Variants in ARHGEF33 observed in about 807,000 individuals in gnomAD.
The protein encoded by ARHGEF33 is Rho guanine nucleotide exchange factor 33.
Under a neutral mutation model 101.9 loss-of-function variants are expected in ARHGEF33, and 72 were observed. The observed-to-expected ratio is 0.71, with a 90% CI of 0.58 to 0.86. ARHGEF33 has a LOEUF of 0.86. Among genes scored for constraint, ARHGEF33 ranks in the 40% least tolerant of loss-of-function variants. ARHGEF33 has a pLI of 0.00. For missense variants in ARHGEF33, 1,169 were observed against 1,111.3 expected (o/e 1.05, Z -0.74); for synonymous variants, 499 against 442.5 (o/e 1.13, Z -1.60).
At chr2:38,940,959 GAGTC>G (rs1028864011) in intron 9 of ARHGEF33, among the ~76,000 whole-genome samples, 1 of 152,086 alleles carries the variant, frequency 6.6e-6, no homozygotes, top group African/African-American at 2.4e-5. Flanking sequence ...GGTCCAGGTG[GAGTC>G]AGTCAGCTTC....
intron 9 of ARHGEF33, among the ~76,000 whole-genome samples, chr2:38,940,873 A>C (rs1306255593): frequency 6.6e-6 from 1 of 152,154 alleles, no homozygotes; most frequent in Non-Finnish European, 1.5e-5. Context: ...TGCAGATGAA[A>C]TCACAGGGAT....
At chr2:38,908,786 T>C (rs6544180) in intron 2 of ARHGEF33, among the ~76,000 whole-genome samples, 93,966 of 152,076 alleles carry the variant, frequency 0.62, 30,985 homozygotes, top group East Asian at 0.82. Flanking sequence ...AGCCTGCTCT[T>C]TCTTGGTTTT....
Position 38,928,955 on chromosome 2 carries a change from C to A in ARHGEF33, c.124C>A (p.Gln42Lys). ...ELKTGFTEAM[Q>K]ELSRIQHGEY... ...CAAAACTGGTTTCACAGAAGCAATG[C>A]AAGAACTGTCAAGAATTCAACATGG... The change falls in exon 5 of 18, where the codon CAA (glutamine) becomes AAA (lysine). Residue 42 changes from glutamine (Q) to lysine (K), a missense_variant. Coordinates refer to ENST00000409978, the MANE Select transcript of ARHGEF33 (RefSeq NM_001145451.5). 6.4e-7 allele frequency: 1 copy of A among 1,551,236 alleles called. No homozygotes were observed. The highest frequency in any genetic ancestry group is 8.7e-7 in the Non-Finnish European group (1 of 1,146,672).
At chr2:38,943,177 C>T (rs1667357304) in intron 9 of ARHGEF33, among the ~76,000 whole-genome samples, 1 of 152,206 alleles carries the variant, frequency 6.6e-6, no homozygotes, top group South Asian at 2.1e-4. Flanking sequence ...ATCTACCCGC[C>T]TTGGCCTCCC....
chr2:38,918,913 G>A (rs1666695216), intron 2 of ARHGEF33, among the ~76,000 whole-genome samples: 1 of 151,794 alleles, frequency 6.6e-6, no homozygotes. Flanking sequence ...AGGTATGATG[G>A]CATAAGCCTG....
rs979542696 is a variant in ARHGEF33 at position 38,903,475 on chromosome 2, A to T, written c.-86+7626A>T. On this transcript the variant is annotated intron_variant, in intron 2 of 17. Transcript: ENST00000409978. ...TGGCTCATTCAAAGCCCATCACATA[A>T]TTTGTTTTGGAGACAGGAGCATCCA... Among the ~76,000 whole-genome samples the T allele has an allele frequency of 9.2e-5, 14 of 152,020 alleles. No homozygotes were observed. In the East Asian group the frequency reaches 1.2e-3, roughly 13 times the overall value.
intron 2 of ARHGEF33, among the ~76,000 whole-genome samples, chr2:38,908,190 C>G (rs1055207271): frequency 2.0e-5 from 3 of 152,076 alleles, no homozygotes; most frequent in Non-Finnish European, 4.4e-5. Flanking sequence ...AACTTCCACT[C>G]AGATGAATCC....
Position 38,960,403 on chromosome 2 carries a change from G to C in ARHGEF33, c.2098G>C (p.Gly700Arg). 6.6e-7 allele frequency: 1 copy of C among 1,512,686 alleles called. No individual in the cohort carries two copies. Among genetic ancestry groups the C allele is most frequent in the South Asian group, 1.2e-5 (1 of 80,378 alleles). The allele number at this position is 1,512,686 out of a possible 1,614,324, so 93.7% of individuals were successfully genotyped here. A position where few individuals can be genotyped will look rare whatever the true frequency, so the allele number is the denominator to read the frequency against. ...YKLEAAAQAH[G>R]KAKPLSRSLK... ...ACTGGAGGCGGCGGCGCAGGCGCAC[G>C]GCAAGGCCAAGCCGCTGAGCCGCTC... is the stretch of plus-strand genomic sequence containing the variant. The change falls in exon 16 of 18, where the codon GGC becomes CGC. Residue 700 changes from glycine to arginine, a missense_variant. Coordinates refer to ENST00000409978, the MANE Select transcript of ARHGEF33 (RefSeq NM_001145451.5).
intron 9 of ARHGEF33, among the ~76,000 whole-genome samples, chr2:38,943,521 A>C (rs1202551676): frequency 7.7e-6 from 1 of 129,628 alleles, no homozygotes; most frequent in Non-Finnish European, 1.6e-5. Flanking sequence ...CATGGGGAGG[A>C]AGTGAGGAAG....
At chr2:38,894,349 G>A (rs1057222586) in intron 1 of ARHGEF33, among the ~76,000 whole-genome samples, 5 of 150,824 alleles carry the variant, frequency 3.3e-5, no homozygotes, top group African/African-American at 1.2e-4. Context: ...AAAAAATGTT[G>A]CTTTTGGGCT....
chr2:38,959,600 C>T, intron 15 of ARHGEF33: 2 of 452,156 alleles, frequency 4.4e-6, no homozygotes, highest in Non-Finnish European at 7.8e-6. Context: ...CAGTCCCTGG[C>T]CCGCAGGCCA....
At chr2:38,929,273 A>G (rs1201289429) in intron 5 of ARHGEF33, among the ~76,000 whole-genome samples, 1 of 152,106 alleles carries the variant, frequency 6.6e-6, no homozygotes, top group East Asian at 1.9e-4. Context: ...TACTAAAAAT[A>G]TAAAAATTAG....
rs755281738 is a variant in ARHGEF33, at chr2:38,935,736, T to A, written c.506-39T>A. The A allele has an allele frequency of 2.0e-6, 3 of 1,532,306 alleles. No homozygotes were observed. The African/African-American group carries it at 4.1e-5, about 21-fold the overall frequency. The allele number at this position is 1,532,306 out of a possible 1,614,324, so 94.9% of individuals were successfully genotyped here. On this transcript the variant is annotated intron_variant, in intron 7 of 17. Coordinates refer to ENST00000409978, the MANE Select transcript of ARHGEF33 (RefSeq NM_001145451.5). The stretch of plus-strand genomic sequence containing the variant: ...GTGGAAGGTGCTTAGTCCATGTTAG[T>A]GGAATGAACGCTGAATGAATGCTTT...
intron 2 of ARHGEF33, among the ~76,000 whole-genome samples, chr2:38,898,562 C>T (rs1666170476): frequency 6.6e-6 from 1 of 152,162 alleles, no homozygotes; most frequent in South Asian, 2.1e-4. Context: ...CTATATTAAG[C>T]ACGTATTGCT....
intron 15 of ARHGEF33, among the ~76,000 whole-genome samples, chr2:38,958,894 G>A (rs913620051): frequency 2.0e-5 from 3 of 152,130 alleles, no homozygotes; most frequent in African/African-American, 7.2e-5. Context: ...TGGCCAGGCT[G>A]CCACCATGCC....
intron 17 of ARHGEF33, among the ~76,000 whole-genome samples, chr2:38,970,228 A>G (rs1668135963): frequency 1.3e-5 from 2 of 151,932 alleles, no homozygotes; most frequent in Admixed American, 6.6e-5. Context: ...ATCACTGTCT[A>G]TTTTCTTAAT....
At chr2:38,970,509 G>GA (rs1164166120) in intron 17 of ARHGEF33, among the ~76,000 whole-genome samples, 1 of 152,014 alleles carries the variant, frequency 6.6e-6, no homozygotes, top group Non-Finnish European at 1.5e-5. Context: ...TATATAACTT[G>GA]AACATTAAAG....
In ARHGEF33 at chr2:38,974,149, A is replaced by G. The variant is rs1668226967; in HGVS notation, c.*306A>G. 1 of 153,310 alleles carries G rather than the reference A, an allele frequency of 6.5e-6. No individual in the cohort carries two copies. Among genetic ancestry groups the G allele is most frequent in the African/African-American group, 2.4e-5 (1 of 41,452 alleles). The allele number at this position is 153,310 out of a possible 1,614,324, so 9.5% of individuals were successfully genotyped here. A position where few individuals can be genotyped will look rare whatever the true frequency, so the allele number is the denominator to read the frequency against. On this transcript the variant is annotated 3_prime_UTR_variant, in exon 18 of 18. Transcript: ENST00000409978. ...TTGGAGGAAAATAAATGTTTGTAAGAATGAAAACTTCCAACTTGAAGTCAT... is the reference window on the plus strand; with the variant it reads ...TTGGAGGAAAATAAATGTTTGTAAGGATGAAAACTTCCAACTTGAAGTCAT...
At chr2:38,920,003 C>A (rs1265882027) in intron 3 of ARHGEF33, among the ~76,000 whole-genome samples, 1 of 152,156 alleles carries the variant, frequency 6.6e-6, no homozygotes, top group East Asian at 1.9e-4. Context: ...TCTAAATAAT[C>A]TACTCAAGCT....
Sources: gnomAD v4.1 joint callset for allele counts (sites outside exome capture counted in the v4.1 genomes callset) on GRCh38, gnomAD v4.1.1 for gene constraint, MANE v1.5 for transcripts, NCBI Gene and HGNC (gene_info 2026-07-23, HGNC 2026-07-21) for gene names.